IBSP: variants seen among roughly 807,000 people sequenced by gnomAD.
IBSP encodes the protein integrin-binding sialoprotein.
A neutral mutation model predicts 25.5 loss-of-function variants in IBSP; 19 were observed. The observed-to-expected ratio is 0.74, with a 90% confidence interval of 0.52 to 1.09. The LOEUF (loss-of-function observed/expected upper bound fraction) is 1.09, where lower values mean the gene tolerates loss of function less well. Among genes scored for constraint, IBSP ranks in the 50% least tolerant of loss-of-function variants. The pLI, the probability that IBSP is intolerant of heterozygous loss-of-function variation, is 0.00. For missense variants in IBSP, 360 were observed against 382.3 expected (o/e 0.94, Z 0.49); for synonymous variants, 144 against 137.6 (o/e 1.05, Z -0.33).
At position 87,807,608 on chromosome 4, in the gene IBSP, A is replaced by G. The variant is rs539289178; in HGVS notation, c.246+1424A>G. On this transcript the variant is annotated intron_variant, in intron 5 of 6. Coordinates refer to ENST00000226284, the MANE Select transcript of IBSP (RefSeq NM_004967.4). ...CAGTGATTGTAAAATTGCCTTGTCA[A>G]CTACATTTCCCAACTAGATTGCATA... Among the ~76,000 whole-genome samples, 75 of 152,274 alleles carry G rather than the reference A, an allele frequency of 4.9e-4. No individual in the cohort carries two copies. The South Asian group carries it at 0.015, about 31-fold the overall frequency.
At chr4:87,807,950 A>G (rs1722112508) in intron 5 of IBSP, among the ~76,000 whole-genome samples, 1 of 152,232 alleles carries the variant, frequency 6.6e-6, no homozygotes, top group African/African-American at 2.4e-5. Context: ...AACAAACTTC[A>G]TTCATTAAAA....
At position 87,811,867 on chromosome 4, in the gene IBSP, G is replaced by A. The variant is rs767056383; in HGVS notation, c.911G>A (p.Gly304Asp). The change falls in exon 7 of 7, where the codon GGC (glycine) becomes GAC (aspartate). Residue 304 changes from glycine (G) to aspartate (D), a missense_variant. Physicochemically the swap from Gly to Asp is moderately conservative, Grantham distance 94. Coordinates refer to ENST00000226284, the MANE Select transcript of IBSP (RefSeq NM_004967.4). ...GAGTACAGCTACTTTAAAGGACAAG[G>A]CTACGATGGCTATGATGGTCAGAAT... ...EDEYSYFKGQGYDGYDGQNYY... is the reference protein window; with the variant it reads ...EDEYSYFKGQDYDGYDGQNYY... 6.4e-7 allele frequency: 1 copy of A among 1,553,988 alleles called. No homozygotes were observed. The highest frequency in any genetic ancestry group is 8.7e-7 in the Non-Finnish European group (1 of 1,150,246).
In IBSP at chr4:87,811,210, T is replaced by C. The variant is rs891800968; in HGVS notation, c.406-152T>C. The stretch of plus-strand genomic sequence containing the variant: ...GACAAAGGGGTTTATCCTGAAGTTT[T>C]AAAGCCCCCAATCATTTTGTAAATT... On this transcript the variant is annotated intron_variant, in intron 6 of 6. Coordinates refer to ENST00000226284, the MANE Select transcript of IBSP (RefSeq NM_004967.4). 3.5e-6 allele frequency: 3 copies of C among 846,718 alleles called. No homozygotes were observed. In the African/African-American group the frequency reaches 5.3e-5, roughly 15 times the overall value. 52.5% of individuals were successfully genotyped at this position (846,718 alleles called of 1,614,324 possible). A position where few individuals can be genotyped will look rare whatever the true frequency, so the allele number is the denominator to read the frequency against.
intron 5 of IBSP, among the ~76,000 whole-genome samples, chr4:87,810,081 G>A (rs1224384991): frequency 1.3e-5 from 2 of 152,066 alleles, no homozygotes; most frequent in Non-Finnish European, 2.9e-5. Context: ...AAAATTAGCT[G>A]GGTGTGGTGG....
chr4:87,802,428 T>C lies in IBSP; in HGVS notation c.54+13T>C, dbSNP rs370464519. Reference sequence around the variant, plus strand: ...CTGTGCTTTCTCAGTAAGTTCTTTATCAAAACCCACAGTTATTTTCAGTTT... The same window carrying C: ...CTGTGCTTTCTCAGTAAGTTCTTTACCAAAACCCACAGTTATTTTCAGTTT... On this transcript the variant is annotated intron_variant, in intron 2 of 6. Transcript: ENST00000226284. The C allele has an allele frequency of 2.7e-5, 44 of 1,605,118 alleles. No homozygotes were observed. Among genetic ancestry groups the C allele is most frequent in the Non-Finnish European group, 3.4e-5 (40 of 1,176,770 alleles).
chr4:87,808,405 TCTC>T (rs1476474831), intron 5 of IBSP, among the ~76,000 whole-genome samples: 3 of 152,016 alleles, frequency 2.0e-5, no homozygotes, highest in African/African-American at 7.2e-5. Flanking sequence ...ATGGTCTTGA[TCTC>T]CTGACCTCGT....
intron 4 of IBSP, 53 bp downstream of exon 4, chr4:87,802,784 G>T: frequency 8.2e-7 from 1 of 1,216,434 alleles, no homozygotes; most frequent in South Asian, 1.8e-5. Context: ...TAATTTAAAG[G>T]AGATCAAATT....
Position 87,802,696 on chromosome 4 carries a change from T to C in IBSP, c.148T>C (p.Tyr50His). 1 of 1,564,964 alleles carries C rather than the reference T, an allele frequency of 6.4e-7. No homozygotes were observed. The highest frequency in any genetic ancestry group is 8.6e-7 in the Non-Finnish European group (1 of 1,165,426). The change falls in exon 4 of 7, where the codon TAC becomes CAC. Residue 50 changes from tyrosine to histidine, a missense_variant. Tyr to His is a moderately conservative substitution (Grantham distance 83, BLOSUM62 2). Coordinates refer to ENST00000226284, the MANE Select transcript of IBSP (RefSeq NM_004967.4). ...ACGATATTATCTTTACAAGCATGCCTACTTTTATCCTCATTTAAAACGATT... is the reference window on the plus strand; with the variant it reads ...ACGATATTATCTTTACAAGCATGCCCACTTTTATCCTCATTTAAAACGATT... ...RPRYYLYKHA[Y>H]FYPHLKRFPV...
intron 4 of IBSP, among the ~76,000 whole-genome samples, chr4:87,803,773 T>C (rs1722055355): frequency 6.6e-6 from 1 of 151,288 alleles, no homozygotes; most frequent in African/African-American, 2.5e-5. Flanking sequence ...ACAAGAGTTG[T>C]GGGTTTTCAG....
chr4:87,812,079 C>A lies in IBSP; in HGVS notation c.*169C>A. ...TCTGCAAAGTAATAGGCTTCTTGTCCCTTTTTTTTCTGGCATGTTATGGAA... is the reference window on the plus strand; with the variant it reads ...TCTGCAAAGTAATAGGCTTCTTGTCACTTTTTTTTCTGGCATGTTATGGAA... On this transcript the variant is annotated 3_prime_UTR_variant, in exon 7 of 7. Transcript: ENST00000226284. 1 of 512,136 alleles carries A rather than the reference C, an allele frequency of 2.0e-6. No individual in the cohort carries two copies. Among genetic ancestry groups the A allele is most frequent in the Non-Finnish European group, 3.3e-6 (1 of 299,352 alleles). The allele number at this position is 512,136 out of a possible 1,614,324, so 31.7% of individuals were successfully genotyped here.
At chr4:87,811,218 CCAAT>C in intron 6 of IBSP, 140 bp from the exon 7 acceptor site, 1 of 889,958 alleles carries the variant, frequency 1.1e-6, no homozygotes, top group South Asian at 2.0e-5. Context: ...TTTAAAGCCC[CCAAT>C]CATTTTGTAA....
chr4:87,801,896 C>G (rs1400750937), intron 1 of IBSP, among the ~76,000 whole-genome samples: 1 of 152,122 alleles, frequency 6.6e-6, no homozygotes, highest in Non-Finnish European at 1.5e-5. Flanking sequence ...CTTGGCCTCC[C>G]AAAGTACTGG....
chr4:87,800,542 T>C (rs577854314), intron 1 of IBSP, among the ~76,000 whole-genome samples: 108 of 152,286 alleles, frequency 7.1e-4, no homozygotes, highest in African/African-American at 2.4e-3. Context: ...AAAGCATTAT[T>C]TAGACCACCC....
chr4:87,806,629 T>C (rs17762459), intron 5 of IBSP, among the ~76,000 whole-genome samples: 5,460 of 152,290 alleles, frequency 0.036, 121 homozygotes, highest in Middle Eastern at 0.065. Flanking sequence ...GAGGGTAATA[T>C]GTAAAAACCC....
Position 87,806,168 on chromosome 4 carries a change from A to G in IBSP, c.230A>G (p.Glu77Gly). The G allele has an allele frequency of 6.2e-7, 1 of 1,610,818 alleles. No homozygotes were observed. Among genetic ancestry groups the G allele is most frequent in the East Asian group, 2.2e-5 (1 of 44,722 alleles). Reference sequence around the variant, plus strand: ...GAAAATGGAGATGACAGTTCAGAAGAGGAGGAGGAAGAAGAGGTAAGGAAT... The same window carrying G: ...GAAAATGGAGATGACAGTTCAGAAGGGGAGGAGGAAGAAGAGGTAAGGAAT... Reference protein sequence around the residue: ...SEENGDDSSEEEEEEEETSNE... With the variant: ...SEENGDDSSEGEEEEEETSNE... The change falls in exon 5 of 7, where the codon GAG becomes GGG. Residue 77 changes from glutamate (E) to glycine (G), a missense_variant. Transcript: ENST00000226284.
Position 87,811,855 on chromosome 4 carries a change from T to C in IBSP, c.899T>C (p.Phe300Ser), listed in dbSNP as rs751029911. The change falls in exon 7 of 7, where the codon TTT becomes TCT. Residue 300 changes from phenylalanine to serine, a missense_variant. Transcript: ENST00000226284. ...YRAYEDEYSYFKGQGYDGYDG... is the reference protein window; with the variant it reads ...YRAYEDEYSYSKGQGYDGYDG... ...GCCTATGAAGATGAGTACAGCTACT[T>C]TAAAGGACAAGGCTACGATGGCTAT... 1.3e-6 allele frequency: 2 copies of C among 1,580,664 alleles called. No homozygotes were observed. The highest frequency in any genetic ancestry group is 2.2e-5 in the East Asian group (1 of 44,590).
In IBSP at chr4:87,810,600, T is replaced by G. The variant is rs781758984; in HGVS notation, c.247-6T>G. On this transcript the variant is annotated splice_polypyrimidine_tract_variant and splice_region_variant and intron_variant, in intron 5 of 6. Coordinates refer to ENST00000226284, the MANE Select transcript of IBSP (RefSeq NM_004967.4). ...TAATTTTTCTTACTATGAATATTTT[T>G]AACAGGAGACTTCAAATGAAGGAGA... 5.0e-6 allele frequency: 8 copies of G among 1,601,836 alleles called. 1 individual carries two copies. In the South Asian group the frequency reaches 8.8e-5, roughly 18 times the overall value.
At chr4:87,806,840 A>G (rs906952583) in intron 5 of IBSP, among the ~76,000 whole-genome samples, 1 of 152,128 alleles carries the variant, frequency 6.6e-6, no homozygotes, top group Admixed American at 6.6e-5. Context: ...CCCTGTCTCT[A>G]CTAAACATAC....
intron 4 of IBSP, 75 bp from the exon 5 acceptor site, chr4:87,806,047 A>G (rs1227992048): frequency 9.1e-7 from 1 of 1,093,026 alleles, no homozygotes; most frequent in East Asian, 2.4e-5. Context: ...TGATTCAATT[A>G]GCAGGAAATT....
Sources: allele counts gnomAD v4.1 joint callset (sites outside exome capture counted in the v4.1 genomes callset), GRCh38; gene constraint gnomAD v4.1.1; transcripts MANE v1.5; gene names NCBI Gene and HGNC (gene_info 2026-07-23, HGNC 2026-07-21).